ELFN1: variants seen among roughly 807,000 people sequenced by gnomAD.
The protein encoded by ELFN1 is protein ELFN1.
ELFN1 carries 6 observed loss-of-function variants against 7.6 expected under a neutral mutation model. The observed-to-expected ratio is 0.79, with a 90% CI of 0.43 to 1.56. The LOEUF (loss-of-function observed/expected upper bound fraction) is 1.56, where lower values mean the gene tolerates loss of function less well. Among genes scored for constraint, ELFN1 ranks in the 40% most tolerant of loss-of-function variants. ELFN1 has a pLI of 0.01. For synonymous variants in ELFN1, 657 were observed against 588.1 expected (o/e 1.12, Z -1.70); for missense variants, 1,169 against 1,232.2 (o/e 0.95, Z 0.77).
chr7:1,726,724 C>A (rs1780207389), intron 3 of ELFN1, among the ~76,000 whole-genome samples: 1 of 152,180 alleles, frequency 6.6e-6, no homozygotes, highest in African/African-American at 2.4e-5. Context: ...AAGGGTGTCA[C>A]CCTGAGAAGA....
intron 2 of ELFN1, among the ~76,000 whole-genome samples, chr7:1,698,389 T>G (rs1352470149): frequency 1.3e-5 from 2 of 152,222 alleles, no homozygotes; most frequent in Admixed American, 1.3e-4. Context: ...AATTAGCACG[T>G]CAGCTTCCTG....
chr7:1,670,083 G>T (rs1053900895), upstream of ELFN1, among the ~76,000 whole-genome samples: 4 of 151,004 alleles, frequency 2.6e-5, no homozygotes, highest in African/African-American at 9.7e-5. This position sits in a 1 kb window ranked among gnomAD's most constrained non-coding sequence, Gnocchi z 6.4. Context: ...GCTCCGAGCC[G>T]GACTCGCGGC....
rs1309702240 is a variant in ELFN1 at position 1,695,032 on chromosome 7, G to A, written c.-456+6882G>A. ...GTGCTGCAGAGGGGCGTCGGGCGTC[G>A]TGCACATGTGCCCATCCCCCTCACT... On this transcript the variant is annotated intron_variant, in intron 2 of 3. Coordinates refer to ENST00000424383, the MANE Select transcript of ELFN1 (RefSeq NM_001128636.4). This position sits in a 1 kb window ranked among gnomAD's most constrained non-coding sequence, Gnocchi z 5.1. Among the ~76,000 whole-genome samples, 1 of 152,212 alleles carries A rather than the reference G, an allele frequency of 6.6e-6. No individual in the cohort carries two copies. The highest frequency in any genetic ancestry group is 2.4e-5 in the African/African-American group (1 of 41,462).
intron 3 of ELFN1, among the ~76,000 whole-genome samples, chr7:1,714,224 C>G (rs958081418): frequency 2.6e-5 from 4 of 152,170 alleles, no homozygotes; most frequent in African/African-American, 9.7e-5. Flanking sequence ...CATCGCCTGT[C>G]TCCAGGTGGA....
chr7:1,675,069 G>C (rs918549922), intron 1 of ELFN1, among the ~76,000 whole-genome samples: 1 of 51,704 alleles, frequency 1.9e-5, no homozygotes, highest in African/African-American at 2.6e-4. Flanking sequence ...GAGTGCCCTG[G>C]CCTTACCGAC....
intron 1 of ELFN1, among the ~76,000 whole-genome samples, chr7:1,678,283 T>C (rs570426638): frequency 1.3e-5 from 2 of 152,194 alleles, no homozygotes; most frequent in African/African-American, 4.8e-5. Context: ...TGTGCCAACA[T>C]GGGACTTCAG....
At chr7:1,708,795 C>T (rs1272173364) in intron 2 of ELFN1, among the ~76,000 whole-genome samples, 2 of 152,154 alleles carry the variant, frequency 1.3e-5, no homozygotes, top group Non-Finnish European at 2.9e-5. Flanking sequence ...GAATTGGTTG[C>T]AGTGACCCCA....
At chr7:1,712,078 C>T (rs1356605527) in intron 3 of ELFN1, among the ~76,000 whole-genome samples, 1 of 152,236 alleles carries the variant, frequency 6.6e-6, no homozygotes, top group Non-Finnish European at 1.5e-5. Flanking sequence ...CTGGGCTTTG[C>T]TTGAGATGCC....
chr7:1,744,123 C>A (rs1388119590), intron 3 of ELFN1, among the ~76,000 whole-genome samples, 181 bp from the exon 4 acceptor site: 1 of 152,168 alleles, frequency 6.6e-6, no homozygotes. Context: ...CTCAGGACCC[C>A]CCAGGGGCTT....
chr7:1,693,434 G>C (rs1483128374), intron 2 of ELFN1: 1 of 471,150 alleles, frequency 2.1e-6, no homozygotes, highest in East Asian at 6.9e-5. Flanking sequence ...GTACACATAG[G>C]TGACATGGGC....
intron 2 of ELFN1, chr7:1,693,551 G>T (rs192027075): frequency 2.5e-5 from 12 of 471,140 alleles, no homozygotes; most frequent in African/African-American, 2.4e-4. Flanking sequence ...ATACACGCCT[G>T]TGGACGTAGC....
At chr7:1,707,483 C>T (rs1211533403) in intron 2 of ELFN1, among the ~76,000 whole-genome samples, 1 of 152,202 alleles carries the variant, frequency 6.6e-6, no homozygotes, top group East Asian at 1.9e-4. Flanking sequence ...GAAGCAGGGG[C>T]AACCCTGGGG....
At chr7:1,711,338 G>A (rs1383493279) in intron 3 of ELFN1, among the ~76,000 whole-genome samples, 1 of 152,104 alleles carries the variant, frequency 6.6e-6, no homozygotes, top group Admixed American at 6.5e-5. Context: ...CTGTGCAGGG[G>A]TGGGTGGTAG....
chr7:1,683,873 G>A (rs1583315391), intron 1 of ELFN1, among the ~76,000 whole-genome samples: 1 of 152,024 alleles, frequency 6.6e-6, no homozygotes, highest in Admixed American at 6.6e-5. Context: ...TCCAGGTTGG[G>A]TGTGGTGGCT....
At chr7:1,676,577 C>T (rs1394115532) in intron 1 of ELFN1, among the ~76,000 whole-genome samples, 7 of 152,272 alleles carry the variant, frequency 4.6e-5, no homozygotes, top group Non-Finnish European at 8.8e-5. Context: ...GCCCTTCTGA[C>T]TTGCCCTGCA....
At chr7:1,678,062 C>A (rs1434196709) in intron 1 of ELFN1, among the ~76,000 whole-genome samples, 3 of 152,084 alleles carry the variant, frequency 2.0e-5, no homozygotes, top group African/African-American at 7.2e-5. Flanking sequence ...AAACAACTCA[C>A]CAGAAATCCA....
At chr7:1,703,003 A>G (rs944829396) in intron 2 of ELFN1, among the ~76,000 whole-genome samples, 1 of 152,182 alleles carries the variant, frequency 6.6e-6, no homozygotes, top group African/African-American at 2.4e-5. Context: ...AATTGTGCCA[A>G]TTTCACCACA....
chr7:1,701,465 A>G (rs958203342), intron 2 of ELFN1, among the ~76,000 whole-genome samples: 4 of 152,316 alleles, frequency 2.6e-5, no homozygotes, highest in East Asian at 3.9e-4. Context: ...ATATTTATCA[A>G]TATATTCTTG....
chr7:1,696,511 G>T (rs1779317477), intron 2 of ELFN1, among the ~76,000 whole-genome samples: 1 of 151,818 alleles, frequency 6.6e-6, no homozygotes, highest in Non-Finnish European at 1.5e-5. Context: ...CCCACCTCAG[G>T]TTCCATAGTA....
Sources: allele counts gnomAD v4.1 joint callset (sites outside exome capture counted in the v4.1 genomes callset), GRCh38; gene constraint gnomAD v4.1.1; non-coding constraint Gnocchi (gnomAD v3.1); transcripts MANE v1.5; gene names NCBI Gene and HGNC (gene_info 2026-07-23, HGNC 2026-07-21).